The following KIF27 variants were observed in gnomAD, a reference collection of about 807,000 sequenced individuals.
The protein encoded by KIF27 is kinesin-like protein KIF27.
Under a neutral mutation model 141.8 loss-of-function variants are expected in KIF27, and 84 were observed. The ratio of observed to expected loss-of-function variants is 0.59; its 90% CI spans 0.50 to 0.71. The LOEUF is 0.71. KIF27 is among the 30% of genes least tolerant of loss of function. KIF27 has a pLI of 0.00. For missense variants in KIF27, 1,306 were observed against 1,628.4 expected (o/e 0.80, Z 3.41); for synonymous variants, 471 against 569.5 (o/e 0.83, Z 2.46).
chr9:83,918,477 A>C (rs1260675346), intron 1 of KIF27, among the ~76,000 whole-genome samples: 1 of 152,220 alleles, frequency 6.6e-6, no homozygotes, highest in Admixed American at 6.5e-5. Context: ...ATATCTAACA[A>C]GGAACTTGCA....
chr9:83,866,438 T>C (rs1284987359), intron 13 of KIF27, among the ~76,000 whole-genome samples: 2 of 152,162 alleles, frequency 1.3e-5, no homozygotes, highest in Non-Finnish European at 2.9e-5. Flanking sequence ...TAAGCTCTCA[T>C]CTATTTGCTT....
intron 11 of KIF27, among the ~76,000 whole-genome samples, chr9:83,877,639 G>A (rs112600677): frequency 0.16 from 24,075 of 151,788 alleles, 2,120 homozygotes; most frequent in African/African-American, 0.23. Flanking sequence ...ACAAGCAACA[G>A]AAGAAAAAAA....
intron 5 of KIF27, among the ~76,000 whole-genome samples, chr9:83,897,110 T>A (rs1048638177): frequency 6.6e-6 from 1 of 152,058 alleles, no homozygotes; most frequent in Non-Finnish European, 1.5e-5. Flanking sequence ...GTAATTATTT[T>A]AAAAATTTAA....
At chr9:83,855,640 A>C (rs1354389511) in intron 14 of KIF27, among the ~76,000 whole-genome samples, 1 of 152,176 alleles carries the variant, frequency 6.6e-6, no homozygotes, top group Non-Finnish European at 1.5e-5. Flanking sequence ...TTTTCTTATT[A>C]ACTTTGTAAC....
chr9:83,902,179 G>A (rs1313070860), intron 4 of KIF27, among the ~76,000 whole-genome samples: 2 of 152,160 alleles, frequency 1.3e-5, no homozygotes, highest in South Asian at 2.1e-4. Context: ...AATATGTCTA[G>A]CTAGATAGAG....
intron 8 of KIF27, 83 bp downstream of exon 8, chr9:83,888,406 G>A (rs1341342414): frequency 3.6e-6 from 2 of 558,898 alleles, no homozygotes; most frequent in African/African-American, 3.9e-5. Context: ...AGAATTCCTG[G>A]ATGTTTCTTA....
intron 5 of KIF27, chr9:83,898,562 T>G (rs1429042430): frequency 6.6e-6 from 1 of 152,238 alleles, no homozygotes; most frequent in Non-Finnish European, 1.5e-5. Flanking sequence ...AGCAATTTCT[T>G]GACCTGGTGG....
intron 11 of KIF27, among the ~76,000 whole-genome samples, chr9:83,876,004 A>G (rs1951181132): frequency 6.6e-6 from 1 of 151,792 alleles, no homozygotes; most frequent in Non-Finnish European, 1.5e-5. Context: ...AATCCAGAAG[A>G]AAAAAAAAGT....
chr9:83,861,765 C>T (rs1194266613), intron 13 of KIF27, among the ~76,000 whole-genome samples: 1 of 151,552 alleles, frequency 6.6e-6, no homozygotes, highest in African/African-American at 2.4e-5. Context: ...CTGTCTTCCA[C>T]AATGGTTGAA....
chr9:83,882,232 G>A (rs376971027), intron 10 of KIF27, among the ~76,000 whole-genome samples: 2 of 152,154 alleles, frequency 1.3e-5, no homozygotes, highest in South Asian at 4.2e-4. Flanking sequence ...TGTGGTGGCA[G>A]GCACCTGTAA....
At chr9:83,886,702 G>A (rs1588167575) in intron 9 of KIF27, among the ~76,000 whole-genome samples, 1 of 152,114 alleles carries the variant, frequency 6.6e-6, no homozygotes, top group Admixed American at 6.6e-5. Context: ...GCTGCAGTGA[G>A]TCATGACTGC....
At chr9:83,842,124 G>T (rs995882815) in intron 17 of KIF27, 113 bp downstream of exon 17, 2 of 1,230,204 alleles carry the variant, frequency 1.6e-6, no homozygotes, top group Admixed American at 6.4e-5. Context: ...ACAAATAGAA[G>T]TATCTAATCC....
intron 10 of KIF27, among the ~76,000 whole-genome samples, chr9:83,882,595 G>A (rs1951773178): frequency 6.6e-6 from 1 of 152,184 alleles, no homozygotes; most frequent in Admixed American, 6.5e-5. Flanking sequence ...CCCATGAGTA[G>A]TGCATGGATA....
In KIF27 at chr9:83,880,454, G is replaced by A. The variant is rs376225572; in HGVS notation, c.2486C>T (p.Ser829Leu). ...KKQQDSKKLA[S>L]LSIQNEKRAN... Reference sequence around the variant, plus strand: ...ACGTTTCTCATTTTGGATTGACAGTGATGCCAGTTTCTTACTATCTTGTTG... The same window carrying A: ...ACGTTTCTCATTTTGGATTGACAGTAATGCCAGTTTCTTACTATCTTGTTG... The change falls in exon 11 of 18, where the codon TCA becomes TTA. Residue 829 changes from serine (S) to leucine (L), a missense_variant. Coordinates refer to ENST00000297814, the MANE Select transcript of KIF27 (RefSeq NM_017576.4). 4 of 1,612,682 alleles carry A rather than the reference G, an allele frequency of 2.5e-6. No homozygotes were observed. The African/African-American group carries it at 5.3e-5, about 22-fold the overall frequency.
intron 16 of KIF27, among the ~76,000 whole-genome samples, chr9:83,846,965 G>C (rs1947360839): frequency 6.6e-6 from 1 of 152,272 alleles, no homozygotes; most frequent in South Asian, 2.1e-4. Flanking sequence ...CATAACAGAG[G>C]TAAGGAAGAG....
Position 83,866,950 on chromosome 9 carries a change from C to CT in KIF27, c.2934+733_2934+734insA, listed in dbSNP as rs985911505. ...ACAATCAATTTTATATTTTATTCACCCCCCCCCCAAAAAAAGAAACCCCAC... is the reference window on the plus strand; with the variant it reads ...ACAATCAATTTTATATTTTATTCACCTCCCCCCCCAAAAAAAGAAACCCCAC... On this transcript the variant is annotated intron_variant, in intron 13 of 17. Coordinates refer to ENST00000297814, the MANE Select transcript of KIF27 (RefSeq NM_017576.4). Among the ~76,000 whole-genome samples, 9 of 132,482 alleles carry CT rather than the reference C, an allele frequency of 6.8e-5. 1 individual carries two copies. Among genetic ancestry groups the CT allele is most frequent in the African/African-American group, 2.3e-4 (9 of 38,358 alleles). The allele number at this position is 132,482 out of a possible 152,430, so 86.9% of individuals were successfully genotyped here.
chr9:83,872,064 C>T (rs1950840201), intron 11 of KIF27, among the ~76,000 whole-genome samples: 1 of 150,824 alleles, frequency 6.6e-6, no homozygotes, highest in Non-Finnish European at 1.5e-5. Context: ...GTGGCTCATG[C>T]CTGTAATCCA....
intron 9 of KIF27, among the ~76,000 whole-genome samples, chr9:83,885,632 CAT>C (rs1248198646): frequency 1.3e-5 from 2 of 152,136 alleles, no homozygotes; most frequent in East Asian, 3.9e-4. Flanking sequence ...CCAATTACAA[CAT>C]GTTTATTTTA....
Position 83,915,482 on chromosome 9 carries a change from A to C in KIF27, c.110T>G (p.Val37Gly). 1 of 1,613,882 alleles carries C rather than the reference A, an allele frequency of 6.2e-7. No individual in the cohort carries two copies. ...CVRVIPNSQQ[V>G]IIGRDRVFTF... ...GAAGACTCTATCTCTCCCAATGATA[A>C]CTTGCTGGCTGTTTGGAATAACTCT... Residue 37 changes from valine (V) to glycine (G), a missense_variant, in exon 2 of 18, where the codon GTT becomes GGT. By Grantham distance (109) the Val-to-Gly change is moderately radical. Transcript: ENST00000297814.
Sources: allele counts gnomAD v4.1 joint callset (sites outside exome capture counted in the v4.1 genomes callset), GRCh38; gene constraint gnomAD v4.1.1; transcripts MANE v1.5; gene names NCBI Gene and HGNC (gene_info 2026-07-23, HGNC 2026-07-21).